Variants in CREM observed in about 807,000 individuals in gnomAD.
The protein encoded by CREM is cAMP responsive element modulator.
In CREM, 13 loss-of-function variants were observed where a neutral mutation model predicts 37.3. The ratio of observed to expected loss-of-function variants is 0.35; its 90% CI spans 0.23 to 0.55. The LOEUF (loss-of-function observed/expected upper bound fraction) is 0.55, where lower values mean the gene tolerates loss of function less well. CREM is among the 20% of genes least tolerant of loss of function. CREM has a pLI of 0.88. For synonymous variants in CREM, 124 were observed against 120.2 expected, an observed-to-expected ratio of 1.03 and a Z score of -0.21; for missense variants, 296 against 362.3, an observed-to-expected ratio of 0.82 and a Z score of 1.49.
chr10:35,143,484 A>G (rs75427829), intron 2 of CREM, among the ~76,000 whole-genome samples: 5,588 of 152,232 alleles, frequency 0.037, 148 homozygotes, highest in Non-Finnish European at 0.058. Context: ...AGCTGGACCA[A>G]TTTGCACATT....
intron 6 of CREM, among the ~76,000 whole-genome samples, chr10:35,189,089 C>T (rs2094788947): frequency 6.6e-6 from 1 of 151,972 alleles, no homozygotes; most frequent in Non-Finnish European, 1.5e-5. Context: ...GCTATGATGC[C>T]CCAAATTTGT....
At position 35,195,123 on chromosome 10, in the gene CREM, A is replaced by G. The variant is rs146750282; in HGVS notation, c.598+6735A>G. 1.4e-3 allele frequency: 2,252 copies of G among 1,561,138 alleles called. 11 individuals are homozygous for G. The highest frequency in any genetic ancestry group is 1.4e-3 in the Non-Finnish European group (1,616 of 1,137,350). The stretch of plus-strand genomic sequence containing the variant: ...CCTGCTTATCCTGCACATGCTTGCT[A>G]ATTTGGAACACTTTATGTTGAACTG... On this transcript the variant is annotated intron_variant, in intron 6 of 7. Coordinates refer to ENST00000685392, the MANE Select transcript of CREM (RefSeq NM_183011.2).
chr10:35,155,086 C>A (rs914474244), intron 3 of CREM, among the ~76,000 whole-genome samples: 1 of 152,130 alleles, frequency 6.6e-6, no homozygotes, highest in East Asian at 1.9e-4. Flanking sequence ...ATAAAGCAAT[C>A]AGAGTCAAAT....
At chr10:35,150,033 T>C (rs537621736) in intron 3 of CREM, among the ~76,000 whole-genome samples, 1 of 152,186 alleles carries the variant, frequency 6.6e-6, no homozygotes, top group East Asian at 1.9e-4. Context: ...AGAGATTTAA[T>C]CATTGTTAAC....
chr10:35,211,474 T>A lies in CREM; in HGVS notation c.*76T>A. On this transcript the variant is annotated 3_prime_UTR_variant, in exon 8 of 8. Coordinates refer to ENST00000685392, the MANE Select transcript of CREM (RefSeq NM_183011.2). ...AGTCCTACTTATTGCCATGTGGACT[T>A]GTGGGAAGGACACGTGTGACCCTTA... 1 of 1,550,308 alleles carries A rather than the reference T, an allele frequency of 6.5e-7. No homozygotes were observed. Among genetic ancestry groups the A allele is most frequent in the Non-Finnish European group, 8.7e-7 (1 of 1,144,150 alleles).
rs1282281081 is a variant in CREM at position 35,148,377 on chromosome 10, C to G, written c.54C>G (p.Thr18=). The G allele has an allele frequency of 4.3e-6, 7 of 1,610,420 alleles. No homozygotes were observed. Among genetic ancestry groups the G allele is most frequent in the Non-Finnish European group, 5.9e-6 (7 of 1,178,542 alleles). The part of the protein sequence containing the change: ...KYIKTNPRQM[T]METVESQHDG... ...TTTATTGTCTTTTCAGACAAATGACCATGGAAACAGTTGAATCCCAGCATG... is the reference window on the plus strand; with the variant it reads ...TTTATTGTCTTTTCAGACAAATGACGATGGAAACAGTTGAATCCCAGCATG... Residue 18 remains threonine (T), a synonymous_variant, in exon 3 of 8, where the codon ACC becomes ACG. Coordinates refer to ENST00000685392, the MANE Select transcript of CREM (RefSeq NM_183011.2).
intron 3 of CREM, among the ~76,000 whole-genome samples, chr10:35,163,449 C>T (rs12771399): frequency 0.29 from 44,494 of 151,782 alleles, 7,053 homozygotes; most frequent in South Asian, 0.35. Flanking sequence ...TTTGGGAGGC[C>T]GAGATGAGAT....
Position 35,212,052 on chromosome 10 carries a change from C to A in CREM, c.*654C>A. 2.9e-6 allele frequency: 1 copy of A among 340,676 alleles called. No homozygotes were observed. Among genetic ancestry groups the A allele is most frequent in the Non-Finnish European group, 5.3e-6 (1 of 190,006 alleles). 21.1% of individuals were successfully genotyped at this position (340,676 alleles called of 1,614,324 possible). On this transcript the variant is annotated 3_prime_UTR_variant, in exon 8 of 8. Transcript: ENST00000685392. ...ATATTTGTAAGGCTTGTTCCAATGC[C>A]ACATACTTGCAGCTCCCATTCTATG...
Position 35,167,002 on chromosome 10 carries a change from G to A in CREM, c.169-11887G>A, listed in dbSNP as rs908186682. On this transcript the variant is annotated intron_variant, in intron 3 of 7. Transcript: ENST00000685392. ...CTAAAAATACAAAAATCAGCCAGAC[G>A]TGGTGGCACATGCCTATAATCCTAG... Among the ~76,000 whole-genome samples, 8 of 152,170 alleles carry A rather than the reference G, an allele frequency of 5.3e-5. No homozygotes were observed. The South Asian group carries it at 8.3e-4, about 16-fold the overall frequency.
chr10:35,141,346 G>A (rs185135959), intron 2 of CREM, among the ~76,000 whole-genome samples: 7 of 152,316 alleles, frequency 4.6e-5, no homozygotes, highest in African/African-American at 7.2e-5. Flanking sequence ...AGAAATACAT[G>A]TTTTAGAAAC....
At chr10:35,132,331 CCATTCTGTAGTT>C (rs1354946042) in intron 1 of CREM, among the ~76,000 whole-genome samples, 3 of 152,154 alleles carry the variant, frequency 2.0e-5, no homozygotes, top group Admixed American at 1.3e-4. Context: ...CCTCAGCAGC[CCATTCTGTAGTT>C]CATTTACTGT....
chr10:35,138,492 G>A (rs2090944822), intron 2 of CREM, among the ~76,000 whole-genome samples: 1 of 149,110 alleles, frequency 6.7e-6, no homozygotes, highest in Admixed American at 6.7e-5. Flanking sequence ...AATGTAATTT[G>A]TCTTTGAAAA....
At chr10:35,205,923 A>G (rs1588874810) in intron 6 of CREM, among the ~76,000 whole-genome samples, 1 of 151,206 alleles carries the variant, frequency 6.6e-6, no homozygotes, top group African/African-American at 2.4e-5. Flanking sequence ...ACACCACTGC[A>G]CTCCAGCCTG....
At chr10:35,128,990 A>G (rs779581250) in intron 1 of CREM, among the ~76,000 whole-genome samples, 1 of 152,266 alleles carries the variant, frequency 6.6e-6, no homozygotes, top group African/African-American at 2.4e-5. Context: ...TGTTTAAAGA[A>G]CTATGTATTG....
intron 6 of CREM, among the ~76,000 whole-genome samples, chr10:35,191,102 A>ATTTATTTG (rs1158290907): frequency 1.3e-5 from 2 of 151,044 alleles, no homozygotes; most frequent in African/African-American, 4.9e-5. Context: ...TTATTTATTT[A>ATTTATTTG]TTTATTATAC....
At chr10:35,190,503 T>C (rs574113219) in intron 6 of CREM, among the ~76,000 whole-genome samples, 1 of 152,322 alleles carries the variant, frequency 6.6e-6, no homozygotes, top group East Asian at 1.9e-4. Flanking sequence ...GCGCCATACA[T>C]GTTTGTTATC....
At chr10:35,165,117 A>G (rs893629611) in intron 3 of CREM, among the ~76,000 whole-genome samples, 2 of 152,004 alleles carry the variant, frequency 1.3e-5, no homozygotes, top group Non-Finnish European at 2.9e-5. Flanking sequence ...GATAATATAT[A>G]AAGAAAAGAA....
At chr10:35,162,383 T>A (rs2093341750) in intron 3 of CREM, among the ~76,000 whole-genome samples, 1 of 152,150 alleles carries the variant, frequency 6.6e-6, no homozygotes, top group Admixed American at 6.6e-5. Flanking sequence ...GGACAATGTA[T>A]TGTTGAAAAA....
chr10:35,195,048 G>A (rs919951816), intron 6 of CREM: 12 of 785,384 alleles, frequency 1.5e-5, no homozygotes, highest in Non-Finnish European at 2.4e-5. Flanking sequence ...CTGTGACAAA[G>A]CAAATTGATG....
Sources: allele counts gnomAD v4.1 joint callset (sites outside exome capture counted in the v4.1 genomes callset), GRCh38; gene constraint gnomAD v4.1.1; transcripts MANE v1.5; gene names NCBI Gene and HGNC (gene_info 2026-07-23, HGNC 2026-07-21).